RAP1B: variants seen among roughly 807,000 people sequenced by gnomAD.
RAP1B encodes the protein ras-related protein Rap-1b.
RAP1B carries 1 observed loss-of-function variant against 27.5 expected under a neutral mutation model. The observed-to-expected ratio is 0.04, with a 90% confidence interval of 0.01 to 0.17. The LOEUF is 0.17. RAP1B is among the 10% of genes least tolerant of loss of function. The pLI is 1.00. For synonymous variants in RAP1B, 75 were observed against 73.1 expected (o/e 1.03, Z -0.13); for missense variants, 84 against 214.8 (o/e 0.39, Z 3.81).
At chr12:68,643,381 C>T (rs1873163169) in intron 1 of RAP1B, among the ~76,000 whole-genome samples, 1 of 152,020 alleles carries the variant, frequency 6.6e-6, no homozygotes, top group South Asian at 2.1e-4. Context: ...AAATTTTTTG[C>T]TTGCTAATTG....
intron 1 of RAP1B, among the ~76,000 whole-genome samples, chr12:68,636,866 C>T (rs1300599101): frequency 2.0e-5 from 3 of 152,000 alleles, no homozygotes. Context: ...GTTGGCCAGG[C>T]TCATCTCGAA....
At chr12:68,639,559 A>G (rs567108674) in intron 1 of RAP1B, among the ~76,000 whole-genome samples, 22 of 152,340 alleles carry the variant, frequency 1.4e-4, no homozygotes, top group Admixed American at 1.4e-3. Flanking sequence ...CCTTGACACT[A>G]ACCTCCTAAG....
chr12:68,657,124 A>G lies in RAP1B; in HGVS notation c.492A>G (p.Gln164=). Residue 164 remains glutamine, a synonymous_variant, in exon 7 of 8, where the codon CAA becomes CAG. Coordinates refer to ENST00000250559, the MANE Select transcript of RAP1B (RefSeq NM_001010942.3). ...AGATCTTTTATGACCTAGTGCGGCA[A>G]ATTAACAGAAAAACTCCAGTGCCTG... The part of the protein sequence containing the change: ...VNEIFYDLVR[Q]INRKTPVPGK... 2 of 1,613,842 alleles carry G rather than the reference A, an allele frequency of 1.2e-6. No individual in the cohort carries two copies. Among genetic ancestry groups the G allele is most frequent in the Admixed American group, 1.7e-5 (1 of 60,020 alleles).
chr12:68,638,450 G>A (rs1307687447), intron 1 of RAP1B, among the ~76,000 whole-genome samples: 1 of 152,070 alleles, frequency 6.6e-6, no homozygotes, highest in Non-Finnish European at 1.5e-5. Flanking sequence ...AGTCTTAATG[G>A]ATTTTCCCAG....
Position 68,663,154 on chromosome 12 carries a change from C to T in RAP1B, c.*3905C>T, listed in dbSNP as rs1314628964. 1.3e-5 allele frequency: 2 copies of T among 151,676 alleles called. No individual in the cohort carries two copies. The highest frequency in any genetic ancestry group is 2.9e-5 in the Non-Finnish European group (2 of 68,032). The allele number at this position is 151,676 out of a possible 1,614,324, so 9.4% of individuals were successfully genotyped here. ...TCTTGGCTCACCCCAACCTCTGCCT[C>T]CCAGGTTCAAGCAATTCTTCTGCCT... On this transcript the variant is annotated 3_prime_UTR_variant, in exon 8 of 8. Coordinates refer to ENST00000250559, the MANE Select transcript of RAP1B (RefSeq NM_001010942.3).
intron 4 of RAP1B, among the ~76,000 whole-genome samples, chr12:68,652,692 C>T (rs988401912): frequency 3.9e-5 from 6 of 152,022 alleles, no homozygotes; most frequent in Non-Finnish European, 8.8e-5. Flanking sequence ...GTGTTACACA[C>T]CTGTAATCCC....
chr12:68,632,095 A>T (rs1306440057), intron 1 of RAP1B, among the ~76,000 whole-genome samples: 5 of 149,182 alleles, frequency 3.4e-5, no homozygotes, highest in South Asian at 2.1e-4. Flanking sequence ...CATAAAATGA[A>T]CATGAAGGAA....
intron 1 of RAP1B, chr12:68,627,113 A>G: frequency 6.3e-7 from 1 of 1,589,200 alleles, no homozygotes; most frequent in East Asian, 2.2e-5. Flanking sequence ...TGGAGATGAT[A>G]ACTTGGCCAG....
rs1244738141 is a variant in RAP1B at position 68,665,514 on chromosome 12, G to T, written c.*6265G>T. The T allele has an allele frequency of 1.3e-5, 2 of 152,216 alleles. No homozygotes were observed. Among genetic ancestry groups the T allele is most frequent in the Admixed American group, 1.3e-4 (2 of 15,278 alleles). 9.4% of individuals were successfully genotyped at this position (152,216 alleles called of 1,614,324 possible). ...AGTCTTGGGATGGGGAGAAGGGTTG[G>T]AGTACAAAGGATTGCTATTACAAAG... On this transcript the variant is annotated 3_prime_UTR_variant, in exon 8 of 8. Coordinates refer to ENST00000250559, the MANE Select transcript of RAP1B (RefSeq NM_001010942.3).
chr12:68,670,019 C>T lies in RAP1B; in HGVS notation c.*10770C>T, dbSNP rs1875024426. 1 of 140,086 alleles carries T rather than the reference C, an allele frequency of 7.1e-6. No individual in the cohort carries two copies. The highest frequency in any genetic ancestry group is 1.5e-5 in the Non-Finnish European group (1 of 66,060). 8.7% of individuals were successfully genotyped at this position (140,086 alleles called of 1,614,324 possible). On this transcript the variant is annotated 3_prime_UTR_variant, in exon 8 of 8. Coordinates refer to ENST00000250559, the MANE Select transcript of RAP1B (RefSeq NM_001010942.3). The stretch of plus-strand genomic sequence containing the variant: ...TGGCACGATCTTGGTTCACCACAAC[C>T]TCCGCCTCCCAGGTTCAAGTGATTC...
intron 1 of RAP1B, among the ~76,000 whole-genome samples, chr12:68,619,347 A>G (rs1487233243): frequency 3.9e-5 from 6 of 152,212 alleles, no homozygotes; most frequent in African/African-American, 1.4e-4. Flanking sequence ...AATTTTAGAA[A>G]GCTTGTATCA....
Position 68,662,012 on chromosome 12 carries a change from A to G in RAP1B, c.*2763A>G. 1 of 142,678 alleles carries G rather than the reference A, an allele frequency of 7.0e-6. No individual in the cohort carries two copies. The highest frequency in any genetic ancestry group is 1.5e-5 in the Non-Finnish European group (1 of 65,294). The allele number at this position is 142,678 out of a possible 1,614,324, so 8.8% of individuals were successfully genotyped here. ...TGCCAGTGCTATCCTCTAGGTCTAT[A>G]TATATATATATATATATATATTATA... On this transcript the variant is annotated 3_prime_UTR_variant, in exon 8 of 8. Transcript: ENST00000250559.
At chr12:68,631,256 C>T (rs1174729447) in intron 1 of RAP1B, among the ~76,000 whole-genome samples, 3 of 152,098 alleles carry the variant, frequency 2.0e-5, no homozygotes, top group Non-Finnish European at 4.4e-5. Context: ...TCTTAACTAT[C>T]CTTATGTCAC....
Position 68,625,751 on chromosome 12 carries a change from G to A in RAP1B, c.-27+14708G>A, listed in dbSNP as rs550045534. 5.0e-3 allele frequency among the ~76,000 whole-genome samples: 753 copies of A among 152,058 alleles called. 1 individual carries two copies. The highest frequency in any genetic ancestry group is 0.017 in the South Asian group (84 of 4,810). On this transcript the variant is annotated intron_variant, in intron 1 of 7. Transcript: ENST00000250559. ...CTGGCCAGCATGGTGAAACCTCCCC[G>A]TCTCTACTAAAAATACAAAAATTAG...
intron 1 of RAP1B, among the ~76,000 whole-genome samples, chr12:68,631,197 C>T (rs944024276): frequency 2.0e-5 from 3 of 152,106 alleles, no homozygotes; most frequent in African/African-American, 4.8e-5. Flanking sequence ...CTGCACATAG[C>T]AGATACTTAA....
intron 6 of RAP1B, 104 bp from the exon 7 acceptor site, chr12:68,656,997 C>A: frequency 1.1e-6 from 1 of 941,556 alleles, no homozygotes; most frequent in Non-Finnish European, 1.6e-6. Context: ...CAATTCTGGG[C>A]ATTAATTTAT....
At chr12:68,648,251 T>C (rs999407109) in intron 1 of RAP1B, among the ~76,000 whole-genome samples, 2 of 152,234 alleles carry the variant, frequency 1.3e-5, no homozygotes, top group African/African-American at 4.8e-5. Flanking sequence ...GTTCCCCACT[T>C]TAGGAATAAA....
rs770970498 is a variant in RAP1B, at chr12:68,660,643, A to C, written c.*1394A>C. 6.6e-6 allele frequency: 1 copy of C among 152,552 alleles called. No homozygotes were observed. The highest frequency in any genetic ancestry group is 1.5e-5 in the Non-Finnish European group (1 of 68,038). The allele number at this position is 152,552 out of a possible 1,614,324, so 9.4% of individuals were successfully genotyped here. ...ACACAGCATGGTTTCATAATTTAAC[A>C]TCTGGGCAAGCCAGACTCATTAATT... On this transcript the variant is annotated 3_prime_UTR_variant, in exon 8 of 8. Transcript: ENST00000250559.
chr12:68,620,024 A>G (rs1443946875), intron 1 of RAP1B, among the ~76,000 whole-genome samples: 1 of 152,134 alleles, frequency 6.6e-6, no homozygotes, highest in African/African-American at 2.4e-5. Flanking sequence ...AAAATATTTG[A>G]TAACTTTTCC....
Sources: allele counts gnomAD v4.1 joint callset (sites outside exome capture counted in the v4.1 genomes callset), GRCh38; gene constraint gnomAD v4.1.1; transcripts MANE v1.5; gene names NCBI Gene and HGNC (gene_info 2026-07-23, HGNC 2026-07-21).